Variants in PDE4B observed in about 807,000 individuals in gnomAD.
PDE4B encodes the protein 3',5'-cyclic-AMP phosphodiesterase 4B.
In PDE4B, 20 loss-of-function variants were observed where a neutral mutation model predicts 82.2. The ratio of observed to expected loss-of-function variants is 0.24; its 90% CI spans 0.17 to 0.35. The LOEUF (loss-of-function observed/expected upper bound fraction) is 0.35, where lower values mean the gene tolerates loss of function less well. Among genes scored for constraint, PDE4B ranks in the 10% least tolerant of loss-of-function variants. The probability of loss-of-function intolerance (pLI) is 1.00; values close to 1 mark genes in which losing one functional copy is unlikely to be tolerated. For missense variants in PDE4B, 655 were observed against 907.2 expected, an observed-to-expected ratio of 0.72 and a Z score of 3.57; for synonymous variants, 320 against 318.9, an observed-to-expected ratio of 1.00 and a Z score of -0.04.
chr1:65,975,065 G>A (rs1650337626), intron 3 of PDE4B, among the ~76,000 whole-genome samples: 1 of 152,210 alleles, frequency 6.6e-6, no homozygotes, highest in South Asian at 2.1e-4. Context: ...GAAGATGTGG[G>A]AAAGTGTTGA....
At chr1:66,255,196 T>C (rs1462569598) in intron 4 of PDE4B, among the ~76,000 whole-genome samples, 2 of 152,242 alleles carry the variant, frequency 1.3e-5, no homozygotes, top group African/African-American at 4.8e-5. Flanking sequence ...GCAATTCTCC[T>C]GCCTCAGCCT....
At chr1:65,941,806 G>A (rs547028813) in intron 3 of PDE4B, among the ~76,000 whole-genome samples, 1 of 152,118 alleles carries the variant, frequency 6.6e-6, no homozygotes, top group South Asian at 2.1e-4. Flanking sequence ...GTATGTTGGT[G>A]TTAACTGTTG....
chr1:66,120,809 G>T (rs1570282755), intron 3 of PDE4B, among the ~76,000 whole-genome samples: 1 of 152,044 alleles, frequency 6.6e-6, no homozygotes, highest in South Asian at 2.1e-4. Context: ...ATCTCCATGG[G>T]TCCCACAGGC....
chr1:65,849,071 T>G (rs1646300371), intron 1 of PDE4B, among the ~76,000 whole-genome samples: 1 of 152,066 alleles, frequency 6.6e-6, no homozygotes, highest in African/African-American at 2.4e-5. Flanking sequence ...CTAGAGAACA[T>G]GGGATTAGCA....
intron 3 of PDE4B, among the ~76,000 whole-genome samples, chr1:66,129,357 A>G (rs943306726): frequency 1.3e-5 from 2 of 152,312 alleles, no homozygotes; most frequent in Non-Finnish European, 2.9e-5. Context: ...AACTTAGCAT[A>G]TCATTTAAAC....
intron 1 of PDE4B, among the ~76,000 whole-genome samples, chr1:65,862,789 G>A (rs1222106148): frequency 6.6e-6 from 1 of 152,132 alleles, no homozygotes; most frequent in African/African-American, 2.4e-5. Context: ...GAGGGTGTAT[G>A]TGTCCAGGAA....
intron 3 of PDE4B, among the ~76,000 whole-genome samples, chr1:65,945,946 A>G (rs1388606779): frequency 6.6e-6 from 1 of 151,992 alleles, no homozygotes; most frequent in African/African-American, 2.4e-5. Flanking sequence ...TCAGCTAGGT[A>G]AGTCATTAGT....
At chr1:66,058,791 C>A (rs925220141) in intron 3 of PDE4B, among the ~76,000 whole-genome samples, 1 of 152,208 alleles carries the variant, frequency 6.6e-6, no homozygotes, top group Non-Finnish European at 1.5e-5. Flanking sequence ...TCCCCCTAGA[C>A]CTCCAGTAAA....
In PDE4B at chr1:65,805,340, A is replaced by G. The variant is rs545486090; in HGVS notation, c.-71+12092A>G. ...TCCATTCTGACAGAGCATGGTGGAG[A>G]AAGAGTGGGTGAATATTATGGTGTC... On this transcript the variant is annotated intron_variant, in intron 1 of 16. Transcript: ENST00000341517. 3.3e-5 allele frequency among the ~76,000 whole-genome samples: 5 copies of G among 152,242 alleles called. No homozygotes were observed. In the East Asian group the frequency reaches 9.7e-4, roughly 29 times the overall value.
chr1:66,142,485 C>T (rs2101152435), intron 3 of PDE4B, among the ~76,000 whole-genome samples: 1 of 152,168 alleles, frequency 6.6e-6, no homozygotes, highest in Non-Finnish European at 1.5e-5. Flanking sequence ...AGTATGCCAA[C>T]ACACTAACAG....
chr1:66,093,828 A>T (rs1557555932), intron 3 of PDE4B, among the ~76,000 whole-genome samples: 1 of 152,064 alleles, frequency 6.6e-6, no homozygotes, highest in Non-Finnish European at 1.5e-5. Flanking sequence ...GGGGAAAAAA[A>T]GCATAACACA....
Position 66,330,840 on chromosome 1 carries a change from G to A in PDE4B, c.635-1668G>A, listed in dbSNP as rs981788806. On this transcript the variant is annotated intron_variant, in intron 7 of 16. Transcript: ENST00000341517. The stretch of plus-strand genomic sequence containing the variant: ...ATTGAAGATGAAGAAAGGAAGGAAG[G>A]TATGTGTAAGTCTGGCTTGAAATGA... 8.5e-6 allele frequency: 8 copies of A among 940,076 alleles called. No homozygotes were observed. In the African/African-American group the frequency reaches 1.1e-4, roughly 13 times the overall value. The allele number at this position is 940,076 out of a possible 1,614,324, so 58.2% of individuals were successfully genotyped here. A position where few individuals can be genotyped will look rare whatever the true frequency, so the allele number is the denominator to read the frequency against.
intron 3 of PDE4B, among the ~76,000 whole-genome samples, chr1:65,957,356 A>T (rs1391762455): frequency 6.6e-6 from 1 of 151,918 alleles, no homozygotes; most frequent in East Asian, 1.9e-4. Context: ...TCTCTCAGTA[A>T]TTTCCAATGC....
In PDE4B at chr1:66,178,043, G is replaced by A. The variant is rs531713562; in HGVS notation, c.282-69417G>A. On this transcript the variant is annotated intron_variant, in intron 3 of 16. Transcript: ENST00000341517. ...CCTACTATTCCTTAAAAAAAAAAAA[G>A]AAAAGACAATGAAAGGAGAAAATTA... Among the ~76,000 whole-genome samples the A allele has an allele frequency of 2.6e-3, 377 of 146,568 alleles. 3 individuals carry two copies. Among genetic ancestry groups the A allele is most frequent in the African/African-American group, 8.8e-3 (348 of 39,428 alleles).
At chr1:66,218,521 T>G (rs1650691657) in intron 3 of PDE4B, among the ~76,000 whole-genome samples, 1 of 152,106 alleles carries the variant, frequency 6.6e-6, no homozygotes, top group African/African-American at 2.4e-5. Flanking sequence ...ATGAGCCATA[T>G]CCTTAATGAT....
chr1:66,216,356 T>A (rs1435938973), intron 3 of PDE4B, among the ~76,000 whole-genome samples: 1 of 151,776 alleles, frequency 6.6e-6, no homozygotes, highest in Non-Finnish European at 1.5e-5. Context: ...GAATACAGTA[T>A]ATTTGAAGAA....
intron 1 of PDE4B, among the ~76,000 whole-genome samples, chr1:65,900,061 T>C (rs563876840): frequency 6.6e-6 from 1 of 152,180 alleles, no homozygotes; most frequent in African/African-American, 2.4e-5. Context: ...GGGTATTTCC[T>C]AGATTTTCTT....
chr1:66,243,869 G>C (rs554841768), intron 3 of PDE4B, among the ~76,000 whole-genome samples: 7 of 152,354 alleles, frequency 4.6e-5, no homozygotes, highest in African/African-American at 1.7e-4. Flanking sequence ...TTGAAGATCA[G>C]AGAGCAGGGC....
chr1:66,260,746 A>G (rs1282725938), intron 6 of PDE4B, among the ~76,000 whole-genome samples: 1 of 152,192 alleles, frequency 6.6e-6, no homozygotes, highest in East Asian at 1.9e-4. Flanking sequence ...CTCAATAATC[A>G]GGCCTTTCCA....
Sources: allele counts gnomAD v4.1 joint callset (sites outside exome capture counted in the v4.1 genomes callset), GRCh38; gene constraint gnomAD v4.1.1; transcripts MANE v1.5; gene names NCBI Gene and HGNC (gene_info 2026-07-23, HGNC 2026-07-21).